Variants in METTL5 observed in about 807,000 individuals in gnomAD.
The protein encoded by METTL5 is methyltransferase 5, N6-adenosine, also known as rRNA N(6)-adenosine-methyltransferase METTL5.
In METTL5, 28 loss-of-function variants were observed where a neutral mutation model predicts 26.5. The ratio of observed to expected loss-of-function variants is 1.06; its 90% CI spans 0.78 to 1.45. The LOEUF (loss-of-function observed/expected upper bound fraction) is 1.45. METTL5 is among the 40% of genes most tolerant of loss of function. The pLI, the probability that METTL5 is intolerant of heterozygous loss-of-function variation, is 0.00. For missense variants in METTL5, 231 were observed against 249.9 expected (o/e 0.92, Z 0.51); for synonymous variants, 86 against 82.6 (o/e 1.04, Z -0.22).
Position 169,824,818 on chromosome 2 carries a change from C to T in METTL5, c.-221G>A, listed in dbSNP as rs1488828657. ...CCCAAGCCGCCCCAGGAGACGGCGG[C>T]GGCGCACTGCTGGAGCAGCCTCAGG... On this transcript the variant is annotated 5_prime_UTR_variant, in exon 1 of 7. Transcript: ENST00000260953. The T allele has an allele frequency of 2.0e-5, 9 of 459,004 alleles. No homozygotes were observed. The Admixed American group carries it at 2.4e-4, about 12-fold the overall frequency. 28.4% of individuals were successfully genotyped at this position (459,004 alleles called of 1,614,324 possible). A position where few individuals can be genotyped will look rare whatever the true frequency, so the allele number is the denominator to read the frequency against.
rs754921922 is a variant in METTL5 at position 169,821,288 on chromosome 2, CACAT to C, written c.225-19_225-16del. On this transcript the variant is annotated splice_polypyrimidine_tract_variant and intron_variant, in intron 2 of 6. Transcript: ENST00000260953. ...CAACACACAACCTATAAATACAAAA[CACAT>C]ACAAAGAGTGGCGACTTATAGCTCC... The C allele has an allele frequency of 6.4e-7, 1 of 1,563,994 alleles. No homozygotes were observed. Among genetic ancestry groups the C allele is most frequent in the Non-Finnish European group, 8.6e-7 (1 of 1,158,200 alleles).
At position 169,824,697 on chromosome 2, in the gene METTL5, C is replaced by T. The variant is rs2081629963; in HGVS notation, c.-100G>A. On this transcript the variant is annotated 5_prime_UTR_variant, in exon 1 of 7. Coordinates refer to ENST00000260953, the MANE Select transcript of METTL5 (RefSeq NM_014168.4). ...TTTCCTCCCTACCCCCAACCTTCTC[C>T]CTTTTTCAGCACCGCTGGCCGGACC... 2 of 979,666 alleles carry T rather than the reference C, an allele frequency of 2.0e-6. No homozygotes were observed. The highest frequency in any genetic ancestry group is 2.4e-5 in the East Asian group (1 of 41,370). The allele number at this position is 979,666 out of a possible 1,614,324, so 60.7% of individuals were successfully genotyped here.
chr2:169,821,390 A>G (rs996683079), intron 2 of METTL5, 117 bp from the exon 3 acceptor site: 1 of 722,248 alleles, frequency 1.4e-6, no homozygotes, highest in Non-Finnish European at 2.2e-6. Flanking sequence ...TTAGCAAAGT[A>G]AGAGTGAGTG....
chr2:169,815,379 T>C (rs1355664229), intron 5 of METTL5, 98 bp downstream of exon 5: 4 of 801,742 alleles, frequency 5.0e-6, no homozygotes, highest in Non-Finnish European at 8.3e-6. Flanking sequence ...TTTGCCACAC[T>C]GTAAAGCATA....
chr2:169,822,050 C>T lies in METTL5; in HGVS notation c.117G>A (p.Met39Ile). 1.3e-6 allele frequency: 2 copies of T among 1,593,706 alleles called. No individual in the cohort carries two copies. Among genetic ancestry groups the T allele is most frequent in the Non-Finnish European group, 8.5e-7 (1 of 1,175,470 alleles). Residue 39 changes from methionine to isoleucine, a missense_variant, in exon 2 of 7, where the codon ATG becomes ATA. Coordinates refer to ENST00000260953, the MANE Select transcript of METTL5 (RefSeq NM_014168.4). ...CATAAGTGTTATGGATTGTATAGAGCATACATGCTAAAAAATAAAAAAAAA... is the reference window on the plus strand; with the variant it reads ...CATAAGTGTTATGGATTGTATAGAGTATACATGCTAAAAAATAAAAAAAAA... ...YPTRPHIAAC[M>I]LYTIHNTYDD...
In METTL5 at chr2:169,812,478, G is replaced by C. The variant is rs776811461; in HGVS notation, c.570C>G (p.Tyr190Ter). 6 of 1,614,028 alleles carry C rather than the reference G, an allele frequency of 3.7e-6. No homozygotes were observed. In the East Asian group the frequency reaches 1.3e-4, roughly 36 times the overall value. ...AELRYDLPAS[Y>*]KFHKKKSVDI... The stretch of plus-strand genomic sequence containing the variant: ...TTACTGATTTCTTTTTGTGAAACTT[G>C]TATGATGCTGGCAGGTCATATCGAA... The change falls in exon 6 of 7, where the codon TAC (tyrosine) becomes TAG (stop). Residue 190 changes from tyrosine to a stop codon, truncating the protein, a stop_gained. Coordinates refer to ENST00000260953, the MANE Select transcript of METTL5 (RefSeq NM_014168.4). LOFTEE classifies it high-confidence loss of function.
At position 169,822,002 on chromosome 2, in the gene METTL5, A is replaced by T; in HGVS notation, c.165T>A (p.Val55=). ...NTYDDIENKV[V]ADLGCGCGVL... Reference sequence around the variant, plus strand: ...CTCCACAACCACATCCTAGATCTGCAACGACTTTATTTTCAATGTCATCAT... The same window carrying T: ...CTCCACAACCACATCCTAGATCTGCTACGACTTTATTTTCAATGTCATCAT... The change falls in exon 2 of 7, where the codon GTT becomes GTA. Residue 55 remains valine (V), a synonymous_variant. Transcript: ENST00000260953. The T allele has an allele frequency of 6.2e-7, 1 of 1,613,622 alleles. No homozygotes were observed. The highest frequency in any genetic ancestry group is 8.5e-7 in the Non-Finnish European group (1 of 1,180,026).
intron 5 of METTL5, among the ~76,000 whole-genome samples, chr2:169,814,576 CT>C (rs71006043): frequency 0.87 from 107,078 of 123,724 alleles, 46,500 homozygotes; most frequent in East Asian, 0.95. Context: ...TCCAAGCCCA[CT>C]TTTTTTTTTT....
intron 6 of METTL5, 34 bp downstream of exon 6, chr2:169,812,423 C>G: frequency 6.2e-7 from 1 of 1,613,696 alleles, no homozygotes; most frequent in Non-Finnish European, 8.5e-7. Context: ...CTTTTCAATA[C>G]CGAATGTAGA....
intron 4 of METTL5, among the ~76,000 whole-genome samples, chr2:169,817,460 T>G (rs1000532045): frequency 6.6e-6 from 1 of 152,194 alleles, no homozygotes; most frequent in African/African-American, 2.4e-5. Flanking sequence ...TAAATCATGC[T>G]GCTATAAAGA....
Position 169,824,787 on chromosome 2 carries a change from G to A in METTL5, c.-190C>T, listed in dbSNP as rs978072983. On this transcript the variant is annotated 5_prime_UTR_variant, in exon 1 of 7. Transcript: ENST00000260953. ...GGGGCGAGCCTCTGACCCACCTCCC[G>A]GCTAACCCAAGCCGCCCCAGGAGAC... 1.2e-4 allele frequency: 63 copies of A among 522,196 alleles called. No homozygotes were observed. Among genetic ancestry groups the A allele is most frequent in the Non-Finnish European group, 4.2e-5 (12 of 289,044 alleles). The allele number at this position is 522,196 out of a possible 1,614,324, so 32.3% of individuals were successfully genotyped here. A position where few individuals can be genotyped will look rare whatever the true frequency, so the allele number is the denominator to read the frequency against.
At chr2:169,821,715 C>A (rs1441687592) in intron 2 of METTL5, among the ~76,000 whole-genome samples, 7 of 152,150 alleles carry the variant, frequency 4.6e-5, no homozygotes, top group African/African-American at 1.7e-4. Flanking sequence ...CCAAACCCGG[C>A]AGGGGTTGGA....
At position 169,824,686 on chromosome 2, in the gene METTL5, C is replaced by A. The variant is rs533925208; in HGVS notation, c.-89G>T. The A allele has an allele frequency of 1.9e-6, 2 of 1,055,888 alleles. No homozygotes were observed. The highest frequency in any genetic ancestry group is 1.3e-5 in the South Asian group (1 of 78,682). 65.4% of individuals were successfully genotyped at this position (1,055,888 alleles called of 1,614,324 possible). ...CTGGGATCTTGTTTCCTCCCTACCCCCAACCTTCTCCCTTTTTCAGCACCG... is the reference window on the plus strand; with the variant it reads ...CTGGGATCTTGTTTCCTCCCTACCCACAACCTTCTCCCTTTTTCAGCACCG... On this transcript the variant is annotated 5_prime_UTR_variant, in exon 1 of 7. Transcript: ENST00000260953.
chr2:169,815,845 T>G (rs1010797863), intron 4 of METTL5, among the ~76,000 whole-genome samples: 1 of 152,234 alleles, frequency 6.6e-6, no homozygotes, highest in Non-Finnish European at 1.5e-5. Flanking sequence ...GCTGAAAAAT[T>G]GCTATTGCCT....
intron 2 of METTL5, 63 bp downstream of exon 2, chr2:169,821,880 A>ATCCCATTGATGC: frequency 1.4e-6 from 2 of 1,423,170 alleles, no homozygotes; most frequent in Admixed American, 3.5e-5. Flanking sequence ...AATTCAGTTA[A>ATCCCATTGATGC]TCCCATTGAT....
At chr2:169,814,870 C>T (rs990005523) in intron 5 of METTL5, among the ~76,000 whole-genome samples, 4 of 149,470 alleles carry the variant, frequency 2.7e-5, no homozygotes, top group African/African-American at 4.9e-5. Flanking sequence ...CTACCGCGCC[C>T]GGCCCACTTT....
chr2:169,821,878 T>C, intron 2 of METTL5, 65 bp downstream of exon 2: 2 of 1,410,008 alleles, frequency 1.4e-6, no homozygotes, highest in Non-Finnish European at 2.0e-6. Context: ...ATAATTCAGT[T>C]AATCCCATTG....
intron 3 of METTL5, among the ~76,000 whole-genome samples, 165 bp from the exon 4 acceptor site, chr2:169,819,808 G>C (rs1298908701): frequency 6.6e-6 from 1 of 152,036 alleles, no homozygotes; most frequent in Non-Finnish European, 1.5e-5. Context: ...AAGGCTGGTA[G>C]AATAAAACCA....
At chr2:169,822,221 G>A (rs1276192996) in intron 1 of METTL5, among the ~76,000 whole-genome samples, 164 bp from the exon 2 acceptor site, 1 of 152,170 alleles carries the variant, frequency 6.6e-6, no homozygotes, top group Non-Finnish European at 1.5e-5. Context: ...GATTTGGTAT[G>A]TAGTAAGAGG....
Sources: gnomAD v4.1 joint callset for allele counts (sites outside exome capture counted in the v4.1 genomes callset) on GRCh38, gnomAD v4.1.1 for gene constraint, MANE v1.5 for transcripts, NCBI Gene and HGNC (gene_info 2026-07-23, HGNC 2026-07-21) for gene names.